Variants in LRMDA observed in about 807,000 individuals in gnomAD.
LRMDA encodes leucine-rich melanocyte differentiation-associated protein.
Under a neutral mutation model 29.8 loss-of-function variants are expected in LRMDA, and 18 were observed. The observed-to-expected ratio is 0.60, with a 90% CI of 0.42 to 0.90. LRMDA has a LOEUF of 0.90. LRMDA is among the 40% of genes least tolerant of loss of function. LRMDA has a pLI of 0.00. For synonymous variants in LRMDA, 125 were observed against 109.4 expected (o/e 1.14, Z -0.89); for missense variants, 273 against 273.9 (o/e 1.00, Z 0.02).
chr10:76,153,004 C>A (rs1421214113), intron 5 of LRMDA, among the ~76,000 whole-genome samples: 1 of 152,056 alleles, frequency 6.6e-6, no homozygotes, highest in Non-Finnish European at 1.5e-5. Context: ...CCACGTCCAG[C>A]TAATTTTTGT....
At chr10:75,799,979 T>C (rs1469525182) in intron 2 of LRMDA, among the ~76,000 whole-genome samples, 1 of 152,224 alleles carries the variant, frequency 6.6e-6, no homozygotes, top group Non-Finnish European at 1.5e-5. Context: ...TGTTTTAATC[T>C]TTTTTCTCCT....
chr10:75,545,301 G>C (rs1235461307), intron 2 of LRMDA, among the ~76,000 whole-genome samples: 5 of 152,124 alleles, frequency 3.3e-5, no homozygotes, highest in African/African-American at 1.2e-4. Flanking sequence ...TTAATCAAGT[G>C]TTACGGAGAG....
intron 2 of LRMDA, among the ~76,000 whole-genome samples, chr10:75,765,566 A>G (rs529916511): frequency 1.3e-5 from 2 of 152,002 alleles, no homozygotes; most frequent in African/African-American, 2.4e-5. Context: ...AATTTTTTCT[A>G]AGGCCTCTGT....
At chr10:76,286,441 C>T (rs1238658251) in intron 5 of LRMDA, among the ~76,000 whole-genome samples, 1 of 152,168 alleles carries the variant, frequency 6.6e-6, no homozygotes, top group South Asian at 2.1e-4. Flanking sequence ...TGTGAAAGAA[C>T]AGTGGTTTTC....
intron 2 of LRMDA, among the ~76,000 whole-genome samples, chr10:75,812,914 T>C (rs1170768230): frequency 6.6e-6 from 1 of 152,172 alleles, no homozygotes; most frequent in Non-Finnish European, 1.5e-5. Context: ...CCATCTCTCT[T>C]TGGCTTTGTC....
At chr10:75,845,560 C>T (rs552215380) in intron 2 of LRMDA, among the ~76,000 whole-genome samples, 2 of 152,304 alleles carry the variant, frequency 1.3e-5, no homozygotes, top group African/African-American at 4.8e-5. Flanking sequence ...ACGATGAGGC[C>T]ATATTCTTGC....
chr10:75,801,718 C>CCA (rs1228817982), intron 2 of LRMDA, among the ~76,000 whole-genome samples: 2 of 152,168 alleles, frequency 1.3e-5, no homozygotes, highest in African/African-American at 4.8e-5. Flanking sequence ...CCCTCTAAGC[C>CCA]ATTGAACTTC....
At chr10:75,981,981 C>T (rs750982128) in intron 2 of LRMDA, among the ~76,000 whole-genome samples, 8 of 152,018 alleles carry the variant, frequency 5.3e-5, no homozygotes, top group Non-Finnish European at 1.2e-4. Context: ...TTGATTTGCC[C>T]GACATAAAAT....
rs192614764 is a variant in LRMDA, at chr10:76,457,475, A to G, written c.602-99734A>G. On this transcript the variant is annotated intron_variant, in intron 6 of 6. Coordinates refer to ENST00000611255, the MANE Select transcript of LRMDA (RefSeq NM_001305581.2). ...CAGACTGTATGCAAATGTCTTTCCA[A>G]TGGTCTATTTAGTGCTATGCTTTTC... 2.6e-5 allele frequency among the ~76,000 whole-genome samples: 4 copies of G among 151,594 alleles called. No homozygotes were observed. The East Asian group carries it at 5.9e-4, about 22-fold the overall frequency.
At chr10:76,531,581 TCA>T (rs1448640951) in intron 6 of LRMDA, among the ~76,000 whole-genome samples, 1 of 152,160 alleles carries the variant, frequency 6.6e-6, no homozygotes, top group Admixed American at 6.5e-5. Context: ...TATAAATATA[TCA>T]GTTATATTTA....
rs748813441 is a variant in LRMDA at position 76,099,327 on chromosome 10, AT to A, written c.516+40546del. The stretch of plus-strand genomic sequence containing the variant: ...GGAGGTTAGAAGCAAGAAGGAGTTG[AT>A]TAGGTCAGATCTCTTTCACTATCTC... On this transcript the variant is annotated intron_variant, in intron 5 of 6. Transcript: ENST00000611255. 5.3e-5 allele frequency among the ~76,000 whole-genome samples: 8 copies of A among 152,238 alleles called. No homozygotes were observed. In the East Asian group the frequency reaches 7.7e-4, roughly 15 times the overall value.
At chr10:75,878,375 G>A (rs1046321081) in intron 2 of LRMDA, among the ~76,000 whole-genome samples, 1 of 151,910 alleles carries the variant, frequency 6.6e-6, no homozygotes, top group African/African-American at 2.4e-5. Flanking sequence ...GGAGCCAGAA[G>A]GGGGGCATGG....
rs570255266 is a variant in LRMDA at position 75,832,351 on chromosome 10, T to C, written c.132-203657T>C. Among the ~76,000 whole-genome samples the C allele has an allele frequency of 6.6e-4, 100 of 152,260 alleles. 1 individual carries two copies. In the South Asian group the frequency reaches 0.019, roughly 29 times the overall value. The stretch of plus-strand genomic sequence containing the variant: ...CACCAGTCTCTTTACTAAAACATAA[T>C]GAAAATCACCCTTGCTCCAGTTCTC... On this transcript the variant is annotated intron_variant, in intron 2 of 6. Transcript: ENST00000611255.
intron 5 of LRMDA, among the ~76,000 whole-genome samples, chr10:76,127,260 G>A (rs1418577590): frequency 6.6e-6 from 1 of 152,128 alleles, no homozygotes; most frequent in African/African-American, 2.4e-5. Context: ...GCATATATGT[G>A]CGCAAATATT....
chr10:75,949,069 C>G (rs1463387272), intron 2 of LRMDA, among the ~76,000 whole-genome samples: 1 of 151,904 alleles, frequency 6.6e-6, no homozygotes, highest in Non-Finnish European at 1.5e-5. Context: ...ATGCACCAGA[C>G]TCCAGATTAT....
chr10:75,856,676 A>G (rs1183086857), intron 2 of LRMDA, among the ~76,000 whole-genome samples: 3 of 152,220 alleles, frequency 2.0e-5, no homozygotes, highest in Non-Finnish European at 4.4e-5. Flanking sequence ...TTGATGGGAC[A>G]TATCTCAAAA....
chr10:76,256,255 C>T (rs1852591511), intron 5 of LRMDA, among the ~76,000 whole-genome samples: 1 of 152,178 alleles, frequency 6.6e-6, no homozygotes, highest in South Asian at 2.1e-4. Context: ...TTCTACTGGT[C>T]ACTGTGCTGA....
At chr10:76,293,167 G>T (rs1327075024) in intron 5 of LRMDA, among the ~76,000 whole-genome samples, 1 of 152,090 alleles carries the variant, frequency 6.6e-6, no homozygotes, top group Non-Finnish European at 1.5e-5. Context: ...TTTTAGTAAA[G>T]TCATTGTTTT....
intron 5 of LRMDA, among the ~76,000 whole-genome samples, chr10:76,064,582 C>T (rs1848754342): frequency 6.6e-6 from 1 of 152,208 alleles, no homozygotes; most frequent in South Asian, 2.1e-4. Context: ...TAGCACTTTA[C>T]TAAGTGCTAT....
Sources: gnomAD v4.1 joint callset for allele counts (sites outside exome capture counted in the v4.1 genomes callset) on GRCh38, gnomAD v4.1.1 for gene constraint, MANE v1.5 for transcripts, NCBI Gene and HGNC (gene_info 2026-07-23, HGNC 2026-07-21) for gene names.